Variants in MFN2 observed in about 807,000 individuals in gnomAD.
MFN2 encodes the protein mitofusin-2.
MFN2 carries 43 observed loss-of-function variants against 87.5 expected under a neutral mutation model. The observed-to-expected ratio is 0.49, with a 90% CI of 0.38 to 0.63. The LOEUF is 0.63. MFN2 is among the 30% of genes least tolerant of loss of function. The pLI is 0.00. For missense variants in MFN2, 743 were observed against 972.8 expected (o/e 0.76, Z 3.14); for synonymous variants, 337 against 359.9 (o/e 0.94, Z 0.72).
rs138448755 is a variant in MFN2 at position 12,013,215 on chromosome 1, G to A, written c.*1650G>A. 2.9e-5 allele frequency: 10 copies of A among 340,156 alleles called. No individual in the cohort carries two copies. Among genetic ancestry groups the A allele is most frequent in the African/African-American group, 1.8e-4 (8 of 44,794 alleles). 21.1% of individuals were successfully genotyped at this position (340,156 alleles called of 1,614,324 possible). On this transcript the variant is annotated 3_prime_UTR_variant, in exon 19 of 19. Transcript: ENST00000235329. ...TTTTGAAAAAAAAAAATTCTTTAGC[G>A]TAAACATGAATTTTTTTTCAATGTA...
At chr1:11,987,972 T>C (rs924873155) in intron 2 of MFN2, among the ~76,000 whole-genome samples, 5 of 152,046 alleles carry the variant, frequency 3.3e-5, no homozygotes, top group African/African-American at 1.2e-4. Flanking sequence ...AATAAGTAAA[T>C]AAAATGTTAA....
chr1:11,996,404 A>G, intron 5 of MFN2, 86 bp downstream of exon 5: 1 of 1,507,674 alleles, frequency 6.6e-7, no homozygotes, highest in Non-Finnish European at 9.1e-7. Flanking sequence ...ACCTCTAGGG[A>G]GGGGGCAGCA....
At position 12,013,464 on chromosome 1, in the gene MFN2, T is replaced by C; in HGVS notation, c.*1899T>C. The C allele has an allele frequency of 2.4e-6, 1 of 421,946 alleles. No homozygotes were observed. The highest frequency in any genetic ancestry group is 4.9e-6 in the Non-Finnish European group (1 of 203,468). 26.1% of individuals were successfully genotyped at this position (421,946 alleles called of 1,614,324 possible). A position where few individuals can be genotyped will look rare whatever the true frequency, so the allele number is the denominator to read the frequency against. ...ATTTGCTTGAGTTACTCCTGTATCA[T>C]TGCTCATAATATTGGAAACTAAAAT... On this transcript the variant is annotated 3_prime_UTR_variant, in exon 19 of 19. Coordinates refer to ENST00000235329, the MANE Select transcript of MFN2 (RefSeq NM_014874.4).
In MFN2 at chr1:11,988,214, G is replaced by C. The variant is rs188422945; in HGVS notation, c.-4-951G>C. On this transcript the variant is annotated intron_variant, in intron 2 of 18. Coordinates refer to ENST00000235329, the MANE Select transcript of MFN2 (RefSeq NM_014874.4). The stretch of plus-strand genomic sequence containing the variant: ...GCCTCCCAGGTTCAAGCAATTCTCT[G>C]CCTCAGCCTCCCAAGTAGCTGGGAT... Among the ~76,000 whole-genome samples the C allele has an allele frequency of 3.6e-4, 54 of 151,758 alleles. 1 individual carries two copies. The highest frequency in any genetic ancestry group is 1.3e-3 in the African/African-American group (54 of 41,396).
chr1:12,013,137 A>G lies in MFN2; in HGVS notation c.*1572A>G. On this transcript the variant is annotated 3_prime_UTR_variant, in exon 19 of 19. Transcript: ENST00000235329. ...GGCCTGAATGGACAGGGGCCACTTC[A>G]CAGCATGTCAGGGAAAATCACTGTC... 2.9e-6 allele frequency: 1 copy of G among 349,514 alleles called. No homozygotes were observed. The highest frequency in any genetic ancestry group is 2.2e-5 in the South Asian group (1 of 45,738). 21.7% of individuals were successfully genotyped at this position (349,514 alleles called of 1,614,324 possible).
In MFN2 at chr1:12,013,158, C is replaced by G; in HGVS notation, c.*1593C>G. On this transcript the variant is annotated 3_prime_UTR_variant, in exon 19 of 19. Transcript: ENST00000235329. ...CTTCACAGCATGTCAGGGAAAATCA[C>G]TGTCACACAATTCCAATGGATTTTG... The G allele has an allele frequency of 2.9e-6, 1 of 349,058 alleles. No homozygotes were observed. Among genetic ancestry groups the G allele is most frequent in the Non-Finnish European group, 5.6e-6 (1 of 178,032 alleles). The allele number at this position is 349,058 out of a possible 1,614,324, so 21.6% of individuals were successfully genotyped here.
At chr1:11,998,703 T>C in intron 6 of MFN2, 67 bp from the exon 7 acceptor site, 1 of 1,441,936 alleles carries the variant, frequency 6.9e-7, no homozygotes, top group Non-Finnish European at 9.8e-7. Context: ...GTCCCAGGTC[T>C]GTTCTCAGCA....
rs1256046144 is a variant in MFN2 at position 12,012,386 on chromosome 1, C to T, written c.*821C>T. On this transcript the variant is annotated 3_prime_UTR_variant, in exon 19 of 19. Transcript: ENST00000235329. ...GATCTGTTTTGGAAGATGGCATGGT[C>T]TAGGTGGTTGAAGGATGTAGTAGAA... The T allele has an allele frequency of 1.7e-5, 2 of 118,430 alleles. No individual in the cohort carries two copies. The highest frequency in any genetic ancestry group is 1.7e-4 in the Admixed American group (2 of 11,808). 7.3% of individuals were successfully genotyped at this position (118,430 alleles called of 1,614,324 possible). A position where few individuals can be genotyped will look rare whatever the true frequency, so the allele number is the denominator to read the frequency against.
In MFN2 at chr1:12,002,046, T is replaced by G; in HGVS notation, c.1103T>G (p.Ile368Ser). ...FEQHTVRAKQIAEAVRLIMDS... is the reference protein window; with the variant it reads ...FEQHTVRAKQSAEAVRLIMDS... ...CAGCACACGGTCCGGGCCAAGCAGATTGCAGAGGCGGTTCGACTCATCATG... is the reference window on the plus strand; with the variant it reads ...CAGCACACGGTCCGGGCCAAGCAGAGTGCAGAGGCGGTTCGACTCATCATG... Residue 368 changes from isoleucine to serine, a missense_variant, in exon 11 of 19, where the codon ATT (isoleucine) becomes AGT (serine). Transcript: ENST00000235329. The G allele has an allele frequency of 2.5e-6, 4 of 1,614,184 alleles. No homozygotes were observed. Among genetic ancestry groups the G allele is most frequent in the Non-Finnish European group, 8.5e-7 (1 of 1,180,018 alleles).
intron 6 of MFN2, 102 bp downstream of exon 6, chr1:11,997,523 C>T (rs1638965255): frequency 2.6e-6 from 4 of 1,509,674 alleles, no homozygotes; most frequent in Non-Finnish European, 3.7e-6. Flanking sequence ...CCTTGCTCTG[C>T]TTAAGTATTA....
intron 3 of MFN2, among the ~76,000 whole-genome samples, chr1:11,991,199 C>T (rs905598607): frequency 2.0e-5 from 3 of 152,344 alleles, no homozygotes; most frequent in African/African-American, 7.2e-5. Context: ...CAAAGGTCTG[C>T]TCACGTAGCA....
In MFN2 at chr1:12,004,047, A is replaced by C. The variant is rs1639295608; in HGVS notation, c.1216A>C (p.Lys406Gln). ...GCAAGACCGACTGAAATTTATTGAC[A>C]AACAGCTGGAGCTCTTGGCTCAAGA... ...ERQDRLKFID[K>Q]QLELLAQDYK... Residue 406 changes from lysine to glutamine, a missense_variant, in exon 12 of 19, where the codon AAA (lysine) becomes CAA (glutamine). This residue lies in a region of MFN2 where 571 missense variants were observed against 670.7 expected (regional missense o/e 0.85). Transcript: ENST00000235329. This position sits in a 1 kb window ranked among gnomAD's most constrained non-coding sequence, Gnocchi z 4.2. 1 of 1,614,234 alleles carries C rather than the reference A, an allele frequency of 6.2e-7. No individual in the cohort carries two copies. Among genetic ancestry groups the C allele is most frequent in the Non-Finnish European group, 8.5e-7 (1 of 1,180,046 alleles).
rs577795361 is a variant in MFN2, at chr1:12,007,669, T to G, written c.2069+420T>G. ...GATGAATATCCTCGCTTCCTTTTTT[T>G]TATTGTGTGTGGCAGACCCTTTGCT... On this transcript the variant is annotated intron_variant, in intron 17 of 18. Coordinates refer to ENST00000235329, the MANE Select transcript of MFN2 (RefSeq NM_014874.4). Among the ~76,000 whole-genome samples the G allele has an allele frequency of 1.4e-4, 21 of 152,344 alleles. No homozygotes were observed. The East Asian group carries it at 4.0e-3, about 29-fold the overall frequency.
At chr1:12,008,457 G>A (rs1400274898) in intron 17 of MFN2, among the ~76,000 whole-genome samples, 1 of 143,082 alleles carries the variant, frequency 7.0e-6, no homozygotes, top group Admixed American at 6.7e-5. Context: ...GGGGCGGCTG[G>A]CCGGGCGGGG....
intron 2 of MFN2, among the ~76,000 whole-genome samples, chr1:11,986,065 A>T (rs1638391956): frequency 1.3e-5 from 2 of 152,158 alleles, no homozygotes; most frequent in African/African-American, 4.8e-5. Flanking sequence ...TTGTCTCCAG[A>T]GGAATCATTA....
At chr1:11,986,971 T>G in intron 2 of MFN2, among the ~76,000 whole-genome samples, 1 of 152,096 alleles carries the variant, frequency 6.6e-6, no homozygotes, top group Middle Eastern at 3.4e-3. Flanking sequence ...TACAAAGATA[T>G]GTAGGATTGA....
intron 1 of MFN2, 52 bp downstream of exon 1, chr1:11,980,536 C>T (rs1368191968): frequency 3.0e-5 from 12 of 397,948 alleles, no homozygotes; most frequent in Non-Finnish European, 8.9e-6. Context: ...CCCGGCCCGG[C>T]GAGTCCTGAG....
intron 3 of MFN2, among the ~76,000 whole-genome samples, chr1:11,990,364 T>C (rs1248133816): frequency 6.6e-6 from 1 of 152,246 alleles, no homozygotes; most frequent in Non-Finnish European, 1.5e-5. Flanking sequence ...TTTAAAGTAG[T>C]ATGATTGGTA....
At chr1:12,001,172 G>A (rs1262881690) in intron 8 of MFN2, among the ~76,000 whole-genome samples, 1 of 152,044 alleles carries the variant, frequency 6.6e-6, no homozygotes, top group Non-Finnish European at 1.5e-5. Context: ...CACCATGCCT[G>A]GCTAATTTTT....
Sources: gnomAD v4.1 joint callset for allele counts (sites outside exome capture counted in the v4.1 genomes callset) on GRCh38, gnomAD v4.1.1 for gene constraint, gnomAD v4.1.1 regional missense constraint, Gnocchi (gnomAD v3.1) non-coding constraint, MANE v1.5 for transcripts, NCBI Gene and HGNC (gene_info 2026-07-23, HGNC 2026-07-21) for gene names.